SCAI: variants seen among roughly 807,000 people sequenced by gnomAD.
SCAI encodes the protein protein SCAI.
In SCAI, 24 loss-of-function variants were observed where a neutral mutation model predicts 92.2. The ratio of observed to expected loss-of-function variants is 0.26; its 90% confidence interval spans 0.19 to 0.37. The LOEUF is 0.37. SCAI is among the 10% of genes least tolerant of loss of function. The pLI is 1.00. For synonymous variants in SCAI, 261 were observed against 258.6 expected (o/e 1.01, Z -0.09); for missense variants, 450 against 736.2 (o/e 0.61, Z 4.50).
intron 2 of SCAI, among the ~76,000 whole-genome samples, chr9:125,134,482 T>TAAC (rs199622334): frequency 7.2e-5 from 11 of 152,214 alleles, no homozygotes; most frequent in South Asian, 4.1e-4. Flanking sequence ...TTTAAATATG[T>TAAC]AACAACAACA....
At chr9:125,098,166 C>T (rs1314043218) in intron 2 of SCAI, among the ~76,000 whole-genome samples, 1 of 151,942 alleles carries the variant, frequency 6.6e-6, no homozygotes, top group Non-Finnish European at 1.5e-5. Context: ...GAGATCCTCC[C>T]ACTTCAATCT....
chr9:125,029,280 C>T (rs1449607037), intron 4 of SCAI, among the ~76,000 whole-genome samples: 1 of 151,962 alleles, frequency 6.6e-6, no homozygotes, highest in African/African-American at 2.4e-5. Flanking sequence ...CACCACCACA[C>T]CTGGCTAATT....
intron 9 of SCAI, among the ~76,000 whole-genome samples, chr9:125,013,751 C>T (rs1443431930): frequency 2.0e-5 from 3 of 152,316 alleles, no homozygotes; most frequent in African/African-American, 2.4e-5. Flanking sequence ...GACCAATATC[C>T]TTGATGAACA....
At position 124,971,729 on chromosome 9, in the gene SCAI, T is replaced by C; in HGVS notation, c.1515A>G (p.Glu505=). ...MRRGLWEKCQ[E]YLRKINRDIA... is the part of the protein sequence containing the mutation. ...TATCACGGTTGATTTTTCGAAGATA[T>C]TCTTGACACTTTTCCCATAGGCCTC... Residue 505 remains glutamate (E), a synonymous_variant, in exon 16 of 18, where the codon GAA becomes GAG. Coordinates refer to ENST00000336505, the MANE Select transcript of SCAI (RefSeq NM_001144877.3). The C allele has an allele frequency of 6.2e-7, 1 of 1,612,398 alleles. No individual in the cohort carries two copies. The highest frequency in any genetic ancestry group is 8.5e-7 in the Non-Finnish European group (1 of 1,179,650).
intron 9 of SCAI, among the ~76,000 whole-genome samples, chr9:125,016,267 AG>A (rs1832757852): frequency 6.6e-6 from 1 of 150,796 alleles, no homozygotes; most frequent in East Asian, 1.9e-4. Flanking sequence ...ACACACCTGT[AG>A]TCCCATCTAC....
chr9:125,046,196 G>GATATATATATATATAT (rs71374222), intron 3 of SCAI, among the ~76,000 whole-genome samples: 3,640 of 51,360 alleles, frequency 0.071, 257 homozygotes, highest in Non-Finnish European at 0.086. Context: ...GAAATTGTGA[G>GATATATATATATATAT]ATATATATAT....
chr9:125,139,529 T>C (rs1051554462), intron 2 of SCAI, among the ~76,000 whole-genome samples: 22 of 152,234 alleles, frequency 1.4e-4, no homozygotes, highest in African/African-American at 5.1e-4. Flanking sequence ...AATTAATTCA[T>C]CTTGAAGGTT....
chr9:124,946,327 G>C lies in SCAI; in HGVS notation c.*6480C>G, dbSNP rs1252807755. On this transcript the variant is annotated 3_prime_UTR_variant, in exon 18 of 18. Coordinates refer to ENST00000336505, the MANE Select transcript of SCAI (RefSeq NM_001144877.3). The surrounding 1 kb of genome is among the most constrained non-coding windows in gnomAD (Gnocchi z 4.0). The stretch of plus-strand genomic sequence containing the variant: ...CTGAATTTAATACTATAATTGAAAA[G>C]TCTTATGAATAGTTGGCTGTTTTAT... 1 of 152,124 alleles carries C rather than the reference G, an allele frequency of 6.6e-6. No homozygotes were observed. Among genetic ancestry groups the C allele is most frequent in the African/African-American group, 2.4e-5 (1 of 41,420 alleles). The allele number at this position is 152,124 out of a possible 1,614,324, so 9.4% of individuals were successfully genotyped here.
chr9:125,046,498 A>G (rs1833446962), intron 3 of SCAI, among the ~76,000 whole-genome samples: 1 of 149,944 alleles, frequency 6.7e-6, no homozygotes, highest in East Asian at 2.0e-4. Flanking sequence ...GGTGGAAGCT[A>G]AAGTATGAGG....
chr9:124,959,425 CTA>C (rs1242666590), intron 17 of SCAI, among the ~76,000 whole-genome samples: 4 of 148,778 alleles, frequency 2.7e-5, no homozygotes, highest in Non-Finnish European at 5.9e-5. Flanking sequence ...GGGAATGTAA[CTA>C]TGGTACAACC....
In SCAI at chr9:125,018,853, A is replaced by G. The variant is rs1291043563; in HGVS notation, c.807T>C (p.Ile269=). ...CGTCAGCCAGAGACAACTGTCCCAC[A>G]ATCATGCCCTGTTCCAGCAATGGGG... is the stretch of plus-strand genomic sequence containing the variant. The part of the protein sequence containing the change: ...TGAPLLEQGM[I]VGQLSLADAL... The change falls in exon 9 of 18, where the codon ATT becomes ATC. Residue 269 remains isoleucine, a synonymous_variant. Transcript: ENST00000336505. 2 of 1,613,990 alleles carry G rather than the reference A, an allele frequency of 1.2e-6. No individual in the cohort carries two copies. Among genetic ancestry groups the G allele is most frequent in the East Asian group, 2.2e-5 (1 of 44,860 alleles).
At chr9:125,062,936 C>A (rs1017727985) in intron 2 of SCAI, among the ~76,000 whole-genome samples, 2 of 147,742 alleles carry the variant, frequency 1.4e-5, no homozygotes, top group Non-Finnish European at 3.0e-5. Flanking sequence ...AAGAGAATCA[C>A]TTGAACCAGG....
chr9:124,983,599 C>T (rs1309829596), intron 14 of SCAI, among the ~76,000 whole-genome samples: 3 of 152,112 alleles, frequency 2.0e-5, no homozygotes, highest in African/African-American at 7.2e-5. Flanking sequence ...GCAATCCACC[C>T]GCCTCAGCCT....
chr9:125,120,413 C>A (rs1835134463), intron 2 of SCAI, among the ~76,000 whole-genome samples: 1 of 152,152 alleles, frequency 6.6e-6, no homozygotes, highest in South Asian at 2.1e-4. Flanking sequence ...GGAGGAAGAG[C>A]CAGGCGCAGT....
At chr9:124,977,167 C>A (rs1831777670) in intron 14 of SCAI, among the ~76,000 whole-genome samples, 1 of 152,110 alleles carries the variant, frequency 6.6e-6, no homozygotes. Context: ...GCACGCCCAG[C>A]CAAAACATAC....
chr9:125,086,160 C>T lies in SCAI; in HGVS notation c.99-30153G>A, dbSNP rs565307683. 1.8e-4 allele frequency among the ~76,000 whole-genome samples: 27 copies of T among 152,270 alleles called. 1 individual carries two copies. The South Asian group carries it at 3.7e-3, about 21-fold the overall frequency. ...GCCGTATATCATAGTTATTTGTGTA[C>T]ACTCGTCATCCCCTTCCTAAATTGT... On this transcript the variant is annotated intron_variant, in intron 2 of 17. Transcript: ENST00000336505.
intron 5 of SCAI, 25 bp downstream of exon 5, chr9:125,028,367 C>T (rs778607627): frequency 1.6e-6 from 2 of 1,282,868 alleles, no homozygotes; most frequent in South Asian, 1.2e-5. Context: ...CAACACTTTA[C>T]TCTTTCCATG....
intron 14 of SCAI, among the ~76,000 whole-genome samples, chr9:124,983,479 A>G (rs1418494286): frequency 6.6e-6 from 1 of 152,064 alleles, no homozygotes; most frequent in Non-Finnish European, 1.5e-5. Flanking sequence ...CAGCCTCCCT[A>G]CTAGCTGGGA....
intron 2 of SCAI, among the ~76,000 whole-genome samples, chr9:125,074,114 C>A (rs1834035774): frequency 1.3e-5 from 2 of 151,776 alleles, no homozygotes; most frequent in Admixed American, 6.6e-5. Flanking sequence ...AAAAAATTAG[C>A]CAGGTGTGGT....
Sources: allele counts gnomAD v4.1 joint callset (sites outside exome capture counted in the v4.1 genomes callset), GRCh38; gene constraint gnomAD v4.1.1; non-coding constraint Gnocchi (gnomAD v3.1); transcripts MANE v1.5; gene names NCBI Gene and HGNC (gene_info 2026-07-23, HGNC 2026-07-21).